The following TPTE2 variants were observed in gnomAD, a reference collection of about 807,000 sequenced individuals.
TPTE2 encodes the protein phosphatidylinositol 3,4,5-trisphosphate 3-phosphatase TPTE2.
In TPTE2, 53 loss-of-function variants were observed where a neutral mutation model predicts 78.6. That is an observed-to-expected ratio of 0.67 (90% CI 0.54 to 0.85). The LOEUF (loss-of-function observed/expected upper bound fraction) is 0.85, where lower values mean the gene tolerates loss of function less well. TPTE2 is among the 40% of genes least tolerant of loss of function. The pLI is 0.00. For missense variants in TPTE2, 461 were observed against 623.0 expected, an observed-to-expected ratio of 0.74 and a Z score of 2.77; for synonymous variants, 175 against 206.2, an observed-to-expected ratio of 0.85 and a Z score of 1.30.
chr13:19,497,698 G>GA (rs1007008906), intron 1 of TPTE2, among the ~76,000 whole-genome samples: 2 of 150,440 alleles, frequency 1.3e-5, no homozygotes, highest in East Asian at 2.0e-4. Context: ...CAAAGATGGG[G>GA]AAAAAACAGA....
intron 6 of TPTE2, among the ~76,000 whole-genome samples, chr13:19,473,225 G>C (rs778076790): frequency 6.6e-6 from 1 of 152,192 alleles, no homozygotes; most frequent in Non-Finnish European, 1.5e-5. Flanking sequence ...GCAGAAGTTT[G>C]CTGAAGGCCC....
At chr13:19,514,161 G>GCATTCTGA (rs1185744843) in intron 1 of TPTE2, among the ~76,000 whole-genome samples, 1 of 152,098 alleles carries the variant, frequency 6.6e-6, no homozygotes, top group Non-Finnish European at 1.5e-5. Flanking sequence ...TCATACACAG[G>GCATTCTGA]CATTCTGATA....
intron 1 of TPTE2, among the ~76,000 whole-genome samples, chr13:19,502,836 T>C (rs1284818619): frequency 6.6e-6 from 1 of 151,380 alleles, no homozygotes; most frequent in East Asian, 1.9e-4. Context: ...TAAATCTCTC[T>C]TGTTGAAGCC....
chr13:19,436,466 A>C (rs1437541011), intron 14 of TPTE2, among the ~76,000 whole-genome samples, 160 bp from the exon 18 acceptor site: 1 of 152,116 alleles, frequency 6.6e-6, no homozygotes, highest in African/African-American at 2.4e-5. Flanking sequence ...AGACTGGAGT[A>C]CAGTGGCAGG....
In TPTE2 at chr13:19,465,240, T is replaced by C. The variant is rs756755453; in HGVS notation, c.676+15A>G. The C allele has an allele frequency of 2.5e-6, 4 of 1,613,710 alleles. No individual in the cohort carries two copies. In the South Asian group the frequency reaches 3.3e-5, roughly 13 times the overall value. On this transcript the variant is annotated intron_variant, in intron 9 of 19. Transcript: ENST00000400230. ...TGAAGTAATACAAGTAAATCAACCA[T>C]TAAGTGTCACAAACCTGTAACGTAA... is the stretch of plus-strand genomic sequence containing the variant.
chr13:19,499,945 C>A lies in TPTE2; in HGVS notation c.11+3279G>T, dbSNP rs886596071. Among the ~76,000 whole-genome samples, 16 of 142,704 alleles carry A rather than the reference C, an allele frequency of 1.1e-4. 1 individual carries two copies. Among genetic ancestry groups the A allele is most frequent in the African/African-American group, 1.4e-4 (5 of 34,830 alleles). 93.6% of individuals were successfully genotyped at this position (142,704 alleles called of 152,430 possible). On this transcript the variant is annotated intron_variant, in intron 1 of 19. Transcript: ENST00000400230. Reference sequence around the variant, plus strand: ...AAAAGAGAGAAGAATCTATTAAACGCAATAAAAAATGATAAAGGGGATATC... The same window carrying A: ...AAAAGAGAGAAGAATCTATTAAACGAAATAAAAAATGATAAAGGGGATATC...
rs60130804 is a variant in TPTE2, at chr13:19,435,755, GACAC to G, written c.1116+467_1116+470del. ...CATCTCCCCCACAACACACAGAAAA[GACAC>G]ACACACACACACACACACACACACA... On this transcript the variant is annotated intron_variant, in intron 15 of 19. Transcript: ENST00000400230. 1.4e-3 allele frequency among the ~76,000 whole-genome samples: 198 copies of G among 137,712 alleles called. 1 individual carries two copies. The highest frequency in any genetic ancestry group is 0.013 in the South Asian group (56 of 4,192). 90.3% of individuals were successfully genotyped at this position (137,712 alleles called of 152,430 possible).
chr13:19,549,020 TGAGGCAGGAGAATCACTTAAGCCTGG>T, the TPTE2 span, among the ~76,000 whole-genome samples: 1 of 151,160 alleles, frequency 6.6e-6, no homozygotes, highest in Non-Finnish European at 1.5e-5. Flanking sequence ...CTTGGGAGGC[TGAGGCAGGAGAATCACTTAAGCCTGG>T]GAGGCAGAGG....
chr13:19,534,753 T>C (rs1871101533), intron 1 of TPTE2, among the ~76,000 whole-genome samples: 1 of 152,214 alleles, frequency 6.6e-6, no homozygotes, highest in Admixed American at 6.5e-5. Context: ...ATCTTCCCAA[T>C]TTGTAGCCAA....
rs1359928145 is a variant in TPTE2, at chr13:19,465,462, T to TA, written c.612+2dup. On this transcript the variant is annotated splice_region_variant and intron_variant, in intron 8 of 19. Transcript: ENST00000400230. Reference sequence around the variant, plus strand: ...GAATCATAAGCATGTTTTGCCCACTTACCAGCCTTCTCATCAGCTTTTCAA... The same window carrying TA: ...GAATCATAAGCATGTTTTGCCCACTTAACCAGCCTTCTCATCAGCTTTTCAA... The TA allele has an allele frequency of 6.2e-7, 1 of 1,608,616 alleles. No individual in the cohort carries two copies. The highest frequency in any genetic ancestry group is 1.3e-5 in the African/African-American group (1 of 74,432).
At chr13:19,461,277 C>G (rs1878869786) in intron 10 of TPTE2, among the ~76,000 whole-genome samples, 1 of 152,086 alleles carries the variant, frequency 6.6e-6, no homozygotes, top group Non-Finnish European at 1.5e-5. Flanking sequence ...CTGTTTCCTT[C>G]ATTCTTTAAA....
At chr13:19,545,299 CAGG>C in the TPTE2 span, among the ~76,000 whole-genome samples, 1 of 152,130 alleles carries the variant, frequency 6.6e-6, no homozygotes, top group East Asian at 1.9e-4. Context: ...GAACAAAAAA[CAGG>C]AGGATTAATT....
Position 19,494,903 on chromosome 13 carries a change from C to T in TPTE2, c.12-1402G>A, listed in dbSNP as rs550853726. Among the ~76,000 whole-genome samples the T allele has an allele frequency of 3.9e-5, 6 of 152,224 alleles. No homozygotes were observed. The East Asian group carries it at 1.2e-3, about 29-fold the overall frequency. On this transcript the variant is annotated intron_variant, in intron 1 of 19. Transcript: ENST00000400230. ...GTTACACTTTAATTATTCACATGTA[C>T]GTATATCACTAAATTGACCTGGGAT...
At chr13:19,538,584 A>G (rs1296165695), upstream of TPTE2, among the ~76,000 whole-genome samples, 1 of 150,632 alleles carries the variant, frequency 6.6e-6, no homozygotes, top group East Asian at 2.0e-4. Context: ...GATGGAGTGC[A>G]GTGGCGCGAT....
intron 1 of TPTE2, among the ~76,000 whole-genome samples, chr13:19,515,286 G>T (rs1165486434): frequency 1.3e-5 from 2 of 152,126 alleles, no homozygotes; most frequent in South Asian, 4.1e-4. Context: ...GTGTGCTGAG[G>T]TTTCTTAACT....
exon 7 of TPTE2, chr13:19,467,253 C>T: frequency 6.3e-7 from 1 of 1,577,996 alleles, no homozygotes; most frequent in South Asian, 1.2e-5. Flanking sequence ...AACTTAATGT[C>T]AAAAAAAATG....
intron 4 of TPTE2, among the ~76,000 whole-genome samples, chr13:19,482,206 G>GT (rs996129839): frequency 6.6e-6 from 1 of 151,642 alleles, no homozygotes; most frequent in African/African-American, 2.4e-5. Context: ...CTGCATTCCT[G>GT]TTTTTTAAAA....
chr13:19,501,934 C>T (rs1475328576), intron 1 of TPTE2, among the ~76,000 whole-genome samples: 2 of 150,962 alleles, frequency 1.3e-5, no homozygotes, highest in African/African-American at 4.9e-5. Flanking sequence ...CTACAATGAA[C>T]TCAAACAAAT....
chr13:19,500,304 G>A (rs1220977859), intron 1 of TPTE2, among the ~76,000 whole-genome samples: 1 of 150,334 alleles, frequency 6.7e-6, no homozygotes, highest in Non-Finnish European at 1.5e-5. Context: ...ATTTTATGAG[G>A]CCAGCATCAT....
Sources: gnomAD v4.1 joint callset for allele counts (sites outside exome capture counted in the v4.1 genomes callset) on GRCh38, gnomAD v4.1.1 for gene constraint, MANE v1.5 for transcripts, NCBI Gene and HGNC (gene_info 2026-07-23, HGNC 2026-07-21) for gene names.